The following PDZD2 variants were observed in gnomAD, a reference collection of about 807,000 sequenced individuals.
The protein encoded by PDZD2 is PDZ domain-containing protein 2.
In PDZD2, 90 loss-of-function variants were observed where a neutral mutation model predicts 220.7. The ratio of observed to expected loss-of-function variants is 0.41; its 90% CI spans 0.34 to 0.49. PDZD2 has a LOEUF of 0.49. Ranked by LOEUF, PDZD2 falls within the 20% of genes least tolerant of loss-of-function variation. The pLI, the probability that PDZD2 is intolerant of heterozygous loss-of-function variation, is 0.28. For missense variants in PDZD2, 3,174 were observed against 3,608.5 expected, an observed-to-expected ratio of 0.88 and a Z score of 3.08; for synonymous variants, 1,375 against 1,450.5, an observed-to-expected ratio of 0.95 and a Z score of 1.18.
At chr5:31,950,695 T>C (rs1235318181) in intron 2 of PDZD2, among the ~76,000 whole-genome samples, 1 of 152,140 alleles carries the variant, frequency 6.6e-6, no homozygotes, top group African/African-American at 2.4e-5. Flanking sequence ...CAAACACAAG[T>C]CTTGTGAATT....
intron 2 of PDZD2, among the ~76,000 whole-genome samples, chr5:31,870,508 T>A (rs1054336086): frequency 1.3e-5 from 2 of 152,152 alleles, no homozygotes; most frequent in Admixed American, 6.5e-5. Context: ...GTTTAAAAAA[T>A]CTAGTAATAT....
intron 20 of PDZD2, among the ~76,000 whole-genome samples, chr5:32,092,690 T>C (rs1743273865): frequency 1.3e-5 from 2 of 152,230 alleles, no homozygotes; most frequent in African/African-American, 4.8e-5. Context: ...TCTGAATTCA[T>C]AGCAGTTCCC....
rs1413373520 is a variant in PDZD2 at position 31,873,723 on chromosome 5, C to T, written c.476+73999C>T. Among the ~76,000 whole-genome samples, 6 of 140,942 alleles carry T rather than the reference C, an allele frequency of 4.3e-5. No individual in the cohort carries two copies. In the Admixed American group the frequency reaches 4.4e-4, roughly 10 times the overall value. 92.5% of individuals were successfully genotyped at this position (140,942 alleles called of 152,430 possible). A position where few individuals can be genotyped will look rare whatever the true frequency, so the allele number is the denominator to read the frequency against. The stretch of plus-strand genomic sequence containing the variant: ...GGCCAGAAATTCTGATAAGAGCTGA[C>T]ATTGCAGTCTTGAGTCTTTTTTTTT... On this transcript the variant is annotated intron_variant, in intron 2 of 24. Coordinates refer to ENST00000438447, the MANE Select transcript of PDZD2 (RefSeq NM_178140.4).
Position 32,090,641 on chromosome 5 carries a change from G to A in PDZD2, c.7193G>A (p.Ser2398Asn), listed in dbSNP as rs772372863. The change falls in exon 20 of 25, where the codon AGT (serine) becomes AAT (asparagine). Residue 2398 changes from serine to asparagine, a missense_variant. Coordinates refer to ENST00000438447, the MANE Select transcript of PDZD2 (RefSeq NM_178140.4). The surrounding 1 kb of genome is among the most constrained non-coding windows in gnomAD (Gnocchi z 4.3). ...GCAAGGTTGTTGAGACGCAGCTTGA[G>A]TTCCTGCAGCGAAAACCAAAGCGAA... The part of the protein sequence containing the change: ...AAARLLRRSL[S>N]SCSENQSEAG... 1 of 1,614,142 alleles carries A rather than the reference G, an allele frequency of 6.2e-7. No individual in the cohort carries two copies. Among genetic ancestry groups the A allele is most frequent in the South Asian group, 1.1e-5 (1 of 91,076 alleles).
chr5:32,012,035 C>T (rs927946965), intron 6 of PDZD2, among the ~76,000 whole-genome samples: 1 of 152,174 alleles, frequency 6.6e-6, no homozygotes, highest in Non-Finnish European at 1.5e-5. Context: ...AATGATGTGG[C>T]GGTACAACAG....
intron 2 of PDZD2, among the ~76,000 whole-genome samples, chr5:31,909,995 G>A (rs983409483): frequency 6.6e-6 from 1 of 152,070 alleles, no homozygotes; most frequent in Admixed American, 6.6e-5. Flanking sequence ...AATAGCTTAC[G>A]TTTATGGATG....
At chr5:32,058,520 A>G (rs895742208) in intron 12 of PDZD2, among the ~76,000 whole-genome samples, 1 of 151,860 alleles carries the variant, frequency 6.6e-6, no homozygotes, top group African/African-American at 2.4e-5. Context: ...AATAAAAAAA[A>G]AAAATTAGCT....
At chr5:31,659,873 A>T (rs994293149) in intron 1 of PDZD2, among the ~76,000 whole-genome samples, 2 of 152,214 alleles carry the variant, frequency 1.3e-5, no homozygotes, top group Non-Finnish European at 2.9e-5. Flanking sequence ...GGGTGGCTTC[A>T]AATGCTGATA....
chr5:32,064,559 A>G (rs1005847955), intron 14 of PDZD2, among the ~76,000 whole-genome samples: 1 of 152,038 alleles, frequency 6.6e-6, no homozygotes, highest in African/African-American at 2.4e-5. Flanking sequence ...CACTTTTAAC[A>G]CTATTTTTTA....
At chr5:31,852,234 AT>A (rs1330305352) in intron 2 of PDZD2, among the ~76,000 whole-genome samples, 2 of 152,016 alleles carry the variant, frequency 1.3e-5, no homozygotes, top group Non-Finnish European at 2.9e-5. Context: ...GGGGCAGAAT[AT>A]TTCTTTGCAT....
chr5:31,983,148 G>C lies in PDZD2; in HGVS notation c.477-7G>C. On this transcript the variant is annotated splice_polypyrimidine_tract_variant and splice_region_variant and intron_variant, in intron 2 of 24. Coordinates refer to ENST00000438447, the MANE Select transcript of PDZD2 (RefSeq NM_178140.4). ...GGTTCTAACTGGCACCTCTCTGTCT[G>C]TTGCAGTTACCTGGCTGAGCAGTGC... 6.2e-7 allele frequency: 1 copy of C among 1,609,260 alleles called. No individual in the cohort carries two copies. Among genetic ancestry groups the C allele is most frequent in the Non-Finnish European group, 8.5e-7 (1 of 1,177,198 alleles).
intron 2 of PDZD2, among the ~76,000 whole-genome samples, chr5:31,941,821 C>T (rs1292016795): frequency 6.6e-6 from 1 of 152,176 alleles, no homozygotes; most frequent in Non-Finnish European, 1.5e-5. Flanking sequence ...TGAATGGATT[C>T]AGCCATTTCA....
At chr5:32,061,384 T>G (rs1283890973) in intron 14 of PDZD2, among the ~76,000 whole-genome samples, 1 of 152,210 alleles carries the variant, frequency 6.6e-6, no homozygotes, top group Non-Finnish European at 1.5e-5. Context: ...GTGTTCTGAG[T>G]ACTGGCTTTT....
intron 2 of PDZD2, among the ~76,000 whole-genome samples, chr5:31,890,331 G>A (rs1368168971): frequency 1.3e-5 from 2 of 152,108 alleles, no homozygotes; most frequent in African/African-American, 4.8e-5. Context: ...ATAGCAGCAT[G>A]TGGTGAGGGT....
At chr5:31,662,666 G>A (rs1745813774) in intron 1 of PDZD2, among the ~76,000 whole-genome samples, 2 of 152,158 alleles carry the variant, frequency 1.3e-5, no homozygotes, top group Admixed American at 1.3e-4. Flanking sequence ...GTCTGGCTCT[G>A]TAGCCCAGGA....
chr5:31,959,519 C>T (rs1197727808), intron 2 of PDZD2, among the ~76,000 whole-genome samples: 3 of 151,840 alleles, frequency 2.0e-5, no homozygotes, highest in African/African-American at 7.3e-5. Context: ...CCACCACTCC[C>T]AGTTAATTTT....
At chr5:31,910,773 A>G (rs1306164478) in intron 2 of PDZD2, among the ~76,000 whole-genome samples, 3 of 151,534 alleles carry the variant, frequency 2.0e-5, no homozygotes, top group Non-Finnish European at 2.9e-5. Context: ...CAAGCTATCC[A>G]TCTGCCTCAG....
At chr5:32,051,296 T>C (rs1214996291) in intron 8 of PDZD2, among the ~76,000 whole-genome samples, 1 of 149,234 alleles carries the variant, frequency 6.7e-6, no homozygotes, top group South Asian at 2.1e-4. Context: ...GCCCACATCA[T>C]TTTTTTTAAT....
intron 2 of PDZD2, among the ~76,000 whole-genome samples, chr5:31,902,232 T>G (rs1742166395): frequency 6.6e-6 from 1 of 152,318 alleles, no homozygotes; most frequent in East Asian, 1.9e-4. Context: ...TTTCTGTACA[T>G]CCTCACCAAC....
Sources: allele counts gnomAD v4.1 joint callset (sites outside exome capture counted in the v4.1 genomes callset), GRCh38; gene constraint gnomAD v4.1.1; non-coding constraint Gnocchi (gnomAD v3.1); transcripts MANE v1.5; gene names NCBI Gene and HGNC (gene_info 2026-07-23, HGNC 2026-07-21).